Variants in SMARCA4 observed in about 807,000 individuals in gnomAD.
The protein encoded by SMARCA4 is SWI/SNF related BAF chromatin remodeling complex subunit ATPase 4.
SMARCA4 carries 31 observed loss-of-function variants against 193.9 expected under a neutral mutation model. That is an observed-to-expected ratio of 0.16 (90% CI 0.12 to 0.22). The LOEUF (loss-of-function observed/expected upper bound fraction) is 0.22, where lower values mean the gene tolerates loss of function less well. SMARCA4 is among the 10% of genes least tolerant of loss of function. SMARCA4 has a pLI of 1.00. For synonymous variants in SMARCA4, 942 were observed against 933.1 expected, an observed-to-expected ratio of 1.01 and a Z score of -0.17; for missense variants, 1,148 against 2,296.0, an observed-to-expected ratio of 0.50 and a Z score of 10.22.
intron 11 of SMARCA4, 75 bp downstream of exon 11, chr19:10,996,619 G>T (rs45618443): frequency 1.5e-6 from 2 of 1,372,030 alleles, no homozygotes; most frequent in South Asian, 2.3e-5. Flanking sequence ...TTTAAAACCT[G>T]TGTTCTTTTA....
At chr19:11,059,990 G>T (rs2147121019) in intron 33 of SMARCA4, 55 bp from the exon 34 acceptor site, 1 of 1,609,070 alleles carries the variant, frequency 6.2e-7, no homozygotes, top group Non-Finnish European at 8.5e-7. Flanking sequence ...CCCTTGCTGT[G>T]GGGGTGCTGC....
At chr19:11,015,640 C>T (rs182225683) in intron 16 of SMARCA4, among the ~76,000 whole-genome samples, 1 of 152,164 alleles carries the variant, frequency 6.6e-6, no homozygotes, top group Non-Finnish European at 1.5e-5. Context: ...TTCCTACTTT[C>T]CTCAATAATT....
chr19:10,984,663 CT>C lies in SMARCA4; in HGVS notation c.222+294del, dbSNP rs1175452490. ...TTTGGGAATATCACTACAAAGTTTT[CT>C]TTTGGTAATGAAGAAAAACATCCAA... On this transcript the variant is annotated intron_variant, in intron 2 of 34. Transcript: ENST00000344626. This position sits in a 1 kb window ranked among gnomAD's most constrained non-coding sequence, Gnocchi z 4.3. Among the ~76,000 whole-genome samples the C allele has an allele frequency of 1.3e-5, 2 of 152,262 alleles. No homozygotes were observed. The highest frequency in any genetic ancestry group is 2.9e-5 in the Non-Finnish European group (2 of 68,048).
Position 11,021,955 on chromosome 19 carries a change from G to T in SMARCA4, c.2847G>T (p.Met949Ile). Residue 949 changes from methionine (M) to isoleucine (I), a missense_variant, in exon 19 of 35, where the codon ATG (methionine) becomes ATT (isoleucine). Coordinates refer to ENST00000344626, the MANE Select transcript of SMARCA4 (RefSeq NM_003072.5). ...AGTGGTTTAACGCACCCTTTGCCAT[G>T]ACCGGGGAAAAGGTGGGTTTGCCCA... ...FEQWFNAPFAMTGEKVDLNEE... is the reference protein window; with the variant it reads ...FEQWFNAPFAITGEKVDLNEE... The T allele has an allele frequency of 6.2e-7, 1 of 1,612,220 alleles. No individual in the cohort carries two copies. The highest frequency in any genetic ancestry group is 1.1e-5 in the South Asian group (1 of 90,980).
Position 10,966,761 on chromosome 19 carries a change from G to A in SMARCA4, c.-32+5587G>A, listed in dbSNP as rs371347530. ...AAATTAGCTGGGCATGGTGGTGTGCGCCTGTAGTCCTAGCTACTTGTGAGA... is the reference window on the plus strand; with the variant it reads ...AAATTAGCTGGGCATGGTGGTGTGCACCTGTAGTCCTAGCTACTTGTGAGA... On this transcript the variant is annotated intron_variant, in intron 1 of 34. Coordinates refer to ENST00000344626, the MANE Select transcript of SMARCA4 (RefSeq NM_003072.5). Among the ~76,000 whole-genome samples, 86 of 152,220 alleles carry A rather than the reference G, an allele frequency of 5.6e-4. No individual in the cohort carries two copies. In the South Asian group the frequency reaches 9.8e-3, roughly 17 times the overall value.
intron 30 of SMARCA4, among the ~76,000 whole-genome samples, chr19:11,046,298 A>T (rs780647742): frequency 2.6e-5 from 4 of 151,926 alleles, no homozygotes; most frequent in Non-Finnish European, 4.4e-5. Flanking sequence ...CTGTTTCGGG[A>T]CATTTGATTC....
intron 1 of SMARCA4, among the ~76,000 whole-genome samples, chr19:10,973,273 A>G (rs574699747): frequency 1.3e-5 from 2 of 152,316 alleles, no homozygotes; most frequent in South Asian, 4.1e-4. Context: ...CATCTAATTG[A>G]TAGCTAGGAT....
At chr19:11,008,095 C>T (rs2088420203) in intron 14 of SMARCA4, 72 bp downstream of exon 14, 1 of 1,498,698 alleles carries the variant, frequency 6.7e-7, no homozygotes, top group Non-Finnish European at 9.2e-7. Flanking sequence ...TGGCTAGAAT[C>T]CCAGCCATCC....
intron 1 of SMARCA4, among the ~76,000 whole-genome samples, chr19:10,965,525 T>C (rs1315028758): frequency 6.6e-6 from 1 of 152,244 alleles, no homozygotes; most frequent in Non-Finnish European, 1.5e-5. Flanking sequence ...CATTTTGTCC[T>C]TAATGGCTGC....
In SMARCA4 at chr19:11,033,560, T is replaced by C. The variant is rs1019270563; in HGVS notation, c.3774+43T>C. Reference sequence around the variant, plus strand: ...CCCGACCCCTCCCCAGCGTGAATGGTGGACGCGTGAGCGGCTTTCATTTTT... The same window carrying C: ...CCCGACCCCTCCCCAGCGTGAATGGCGGACGCGTGAGCGGCTTTCATTTTT... On this transcript the variant is annotated intron_variant, in intron 26 of 34. Transcript: ENST00000344626. The surrounding 1 kb of genome is among the most constrained non-coding windows in gnomAD (Gnocchi z 9.8). 3 of 1,466,064 alleles carry C rather than the reference T, an allele frequency of 2.0e-6. No individual in the cohort carries two copies. The East Asian group carries it at 6.8e-5, about 33-fold the overall frequency. The allele number at this position is 1,466,064 out of a possible 1,614,324, so 90.8% of individuals were successfully genotyped here.
chr19:11,048,556 T>C (rs1319606232), intron 30 of SMARCA4, among the ~76,000 whole-genome samples: 1 of 152,192 alleles, frequency 6.6e-6, no homozygotes, highest in Non-Finnish European at 1.5e-5. Flanking sequence ...CTGGATTCGG[T>C]GTCAGGAGCC....
intron 30 of SMARCA4, among the ~76,000 whole-genome samples, chr19:11,057,855 C>T (rs1055960580): frequency 6.6e-6 from 1 of 152,082 alleles, no homozygotes; most frequent in Non-Finnish European, 1.5e-5. Flanking sequence ...GTAATCCCAG[C>T]ACTTTGGGAT....
Position 10,986,316 on chromosome 19 carries a change from C to T in SMARCA4, c.483C>T (p.Ala161=), listed in dbSNP as rs1555753188. 6.2e-7 allele frequency: 1 copy of T among 1,613,698 alleles called. No homozygotes were observed. Among genetic ancestry groups the T allele is most frequent in the Non-Finnish European group, 8.5e-7 (1 of 1,179,992 alleles). Residue 161 remains alanine (A), a synonymous_variant, in exon 4 of 35, where the codon GCC becomes GCT. Transcript: ENST00000344626. This position sits in a 1 kb window ranked among gnomAD's most constrained non-coding sequence, Gnocchi z 6.7. The part of the protein sequence containing the change: ...GAPLDGADPQ[A]LGQQNRGPTP... The stretch of plus-strand genomic sequence containing the variant: ...CGCTGGATGGTGCTGACCCCCAGGC[C>T]TTGGGGCAGCAGAACCGGGGCCCAA...
At chr19:10,970,862 T>G (rs2084611692) in intron 1 of SMARCA4, among the ~76,000 whole-genome samples, 1 of 152,142 alleles carries the variant, frequency 6.6e-6, no homozygotes, top group South Asian at 2.1e-4. Flanking sequence ...GAAAACTGGT[T>G]TTCTCTGAGT....
chr19:10,976,350 ACCCCAGCCCTTC>A (rs1326726060), intron 1 of SMARCA4, among the ~76,000 whole-genome samples: 3 of 151,960 alleles, frequency 2.0e-5, no homozygotes, highest in Non-Finnish European at 4.4e-5. Context: ...GGCTGGCCTC[ACCCCAGCCCTTC>A]AGGGAGGGTG....
chr19:11,051,313 G>C (rs1211503269), intron 30 of SMARCA4, among the ~76,000 whole-genome samples: 1 of 152,166 alleles, frequency 6.6e-6, no homozygotes, highest in African/African-American at 2.4e-5. Context: ...AGGACAATTA[G>C]AGACAGAGGT....
At chr19:10,967,401 T>G (rs1335677312) in intron 1 of SMARCA4, among the ~76,000 whole-genome samples, 1 of 151,892 alleles carries the variant, frequency 6.6e-6, no homozygotes, top group Non-Finnish European at 1.5e-5. Context: ...AGCTCCCCCT[T>G]CCGGGTTCAC....
Position 11,019,777 on chromosome 19 carries a change from A to C in SMARCA4, c.2616+76A>C. On this transcript the variant is annotated intron_variant, in intron 18 of 34. Coordinates refer to ENST00000344626, the MANE Select transcript of SMARCA4 (RefSeq NM_003072.5). The surrounding 1 kb of genome is among the most constrained non-coding windows in gnomAD (Gnocchi z 6.1). ...TGGGTCACGCTGCCCGTCTCCTCCAAAGCCCCTACAAGTTTCTTCCCGGAG... is the reference window on the plus strand; with the variant it reads ...TGGGTCACGCTGCCCGTCTCCTCCACAGCCCCTACAAGTTTCTTCCCGGAG... The C allele has an allele frequency of 2.0e-6, 2 of 989,316 alleles. No individual in the cohort carries two copies. The highest frequency in any genetic ancestry group is 3.2e-6 in the Non-Finnish European group (2 of 630,800). The allele number at this position is 989,316 out of a possible 1,614,324, so 61.3% of individuals were successfully genotyped here.
intron 20 of SMARCA4, 55 bp downstream of exon 20, chr19:11,023,686 TC>T: frequency 8.9e-7 from 1 of 1,120,510 alleles, no homozygotes; most frequent in Non-Finnish European, 1.3e-6. Context: ...GGGGGCTTTC[TC>T]CAGGGCTGGG....
Sources: allele counts gnomAD v4.1 joint callset (sites outside exome capture counted in the v4.1 genomes callset), GRCh38; gene constraint gnomAD v4.1.1; non-coding constraint Gnocchi (gnomAD v3.1); transcripts MANE v1.5; gene names NCBI Gene and HGNC (gene_info 2026-07-23, HGNC 2026-07-21).